Variants in CA12 observed in about 807,000 individuals in gnomAD.
The protein encoded by CA12 is carbonate dehydratase XII.
A neutral mutation model predicts 46.8 loss-of-function variants in CA12; 36 were observed. The ratio of observed to expected loss-of-function variants is 0.77; its 90% CI spans 0.59 to 1.02. The LOEUF (loss-of-function observed/expected upper bound fraction) is 1.02. Among genes scored for constraint, CA12 ranks in the 50% least tolerant of loss-of-function variants. The probability of loss-of-function intolerance (pLI) is 0.00; values close to 1 mark genes in which losing one functional copy is unlikely to be tolerated. For missense variants in CA12, 436 were observed against 451.4 expected (o/e 0.97, Z 0.31); for synonymous variants, 202 against 187.0 (o/e 1.08, Z -0.65).
At position 63,339,910 on chromosome 15, in the gene CA12, CTTAGTCAT is replaced by C; in HGVS notation, c.747+370_747+377del. ...AGCTTCTTGGGGGCAGGGACCCTCA[CTTAGTCAT>C]TGCTGCAATCCCATCTCTTAAATGA... On this transcript the variant is annotated intron_variant, in intron 7 of 10. Transcript: ENST00000178638. The surrounding 1 kb of genome is among the most constrained non-coding windows in gnomAD (Gnocchi z 4.3). 1 of 333,060 alleles carries C rather than the reference CTTAGTCAT, an allele frequency of 3.0e-6. No homozygotes were observed. Among genetic ancestry groups the C allele is most frequent in the Non-Finnish European group, 5.8e-6 (1 of 172,234 alleles). The allele number at this position is 333,060 out of a possible 1,614,324, so 20.6% of individuals were successfully genotyped here.
In CA12 at chr15:63,348,930, G is replaced by A. The variant is rs1480554712; in HGVS notation, c.107-2221C>T. 2.0e-5 allele frequency among the ~76,000 whole-genome samples: 3 copies of A among 152,164 alleles called. No homozygotes were observed. Among genetic ancestry groups the A allele is most frequent in the African/African-American group, 4.8e-5 (2 of 41,436 alleles). On this transcript the variant is annotated intron_variant, in intron 2 of 10. Coordinates refer to ENST00000178638, the MANE Select transcript of CA12 (RefSeq NM_001218.5). The surrounding 1 kb of genome is among the most constrained non-coding windows in gnomAD (Gnocchi z 4.6). The stretch of plus-strand genomic sequence containing the variant: ...TTCCTTTTTCTCTTGCTCTAAATAC[G>A]CTTTATTGGAAGTTAGGACCAAATA...
chr15:63,334,869 G>A (rs2038980589), intron 8 of CA12, among the ~76,000 whole-genome samples: 1 of 152,160 alleles, frequency 6.6e-6, no homozygotes, highest in African/African-American at 2.4e-5. Context: ...TGGGGAACAA[G>A]GTCTCTCTTG....
chr15:63,344,425 CTT>C (rs2039119644), intron 4 of CA12, among the ~76,000 whole-genome samples: 1 of 152,370 alleles, frequency 6.6e-6, no homozygotes, highest in South Asian at 2.1e-4. Context: ...GTCTCAGACA[CTT>C]TTTGGTTTAC....
chr15:63,368,873 G>A (rs1170387409), intron 2 of CA12, among the ~76,000 whole-genome samples: 1 of 152,234 alleles, frequency 6.6e-6, no homozygotes, highest in Non-Finnish European at 1.5e-5. Context: ...TCAGCCCCAA[G>A]TTTCTTCCTA....
chr15:63,359,097 G>A (rs1307317302), intron 2 of CA12, among the ~76,000 whole-genome samples: 1 of 151,914 alleles, frequency 6.6e-6, no homozygotes, highest in Non-Finnish European at 1.5e-5. Flanking sequence ...ACACTCCCCT[G>A]GGGTGAAGCT....
At chr15:63,335,248 A>G in intron 8 of CA12, among the ~76,000 whole-genome samples, 1 of 152,150 alleles carries the variant, frequency 6.6e-6, no homozygotes, top group Admixed American at 6.5e-5. Context: ...CAGTAGTGCT[A>G]AGGTTGAGAA....
intron 2 of CA12, among the ~76,000 whole-genome samples, chr15:63,366,133 T>G (rs1338485283): frequency 1.2e-5 from 1 of 81,438 alleles, no homozygotes; most frequent in African/African-American, 4.7e-5. Flanking sequence ...AGAGCGAGAC[T>G]ATCTCAAAAA....
chr15:63,365,711 A>G (rs963524345), intron 2 of CA12, among the ~76,000 whole-genome samples: 2 of 152,202 alleles, frequency 1.3e-5, no homozygotes, highest in African/African-American at 2.4e-5. Context: ...CCCTTGGTCC[A>G]GATCCTCTCC....
chr15:63,371,818 T>C (rs1326388612), intron 2 of CA12, among the ~76,000 whole-genome samples: 1 of 147,558 alleles, frequency 6.8e-6, no homozygotes, highest in African/African-American at 2.5e-5. Context: ...GGTTGCTCTG[T>C]TGTTTTGAAC....
In CA12 at chr15:63,341,187, A is replaced by AT. The variant is rs1303472706; in HGVS notation, c.526-405_526-404insA. Reference sequence around the variant, plus strand: ...CATACAGCCTCATTAGGAAAAAAAAACATGCAAGCCAATCAGAAGACATTC... The same window carrying AT: ...CATACAGCCTCATTAGGAAAAAAAAATCATGCAAGCCAATCAGAAGACATTC... On this transcript the variant is annotated intron_variant, in intron 5 of 10. Transcript: ENST00000178638. The surrounding 1 kb of genome is among the most constrained non-coding windows in gnomAD (Gnocchi z 5.2). Among the ~76,000 whole-genome samples the AT allele has an allele frequency of 3.3e-5, 5 of 152,174 alleles. No homozygotes were observed. Among genetic ancestry groups the AT allele is most frequent in the Non-Finnish European group, 5.9e-5 (4 of 68,032 alleles).
At chr15:63,358,576 C>A (rs147425071) in intron 2 of CA12, among the ~76,000 whole-genome samples, 1 of 152,318 alleles carries the variant, frequency 6.6e-6, no homozygotes, top group African/African-American at 2.4e-5. Context: ...GCCTTCCCAG[C>A]ACTCATCTTT....
In CA12 at chr15:63,338,866, T is replaced by C; in HGVS notation, c.827A>G (p.Gln276Arg). 6.2e-7 allele frequency: 1 copy of C among 1,614,180 alleles called. No individual in the cohort carries two copies. Among genetic ancestry groups the C allele is most frequent in the Non-Finnish European group, 8.5e-7 (1 of 1,180,020 alleles). Residue 276 changes from glutamine to arginine, a missense_variant, in exon 8 of 11, where the codon CAG becomes CGG. Transcript: ENST00000178638. ...SPREMINNFR[Q>R]VQKFDERLVY... ...CAGCCTCTCATCGAACTTCTGGACC[T>C]GCCGGAAGTTGTTGATCATTTCTCT...
intron 2 of CA12, among the ~76,000 whole-genome samples, chr15:63,362,048 G>A (rs1460559431): frequency 6.6e-6 from 1 of 152,294 alleles, no homozygotes; most frequent in East Asian, 1.9e-4. Context: ...AGGCCAGAGA[G>A]TAAGTTTTTG....
At chr15:63,343,628 A>C (rs928490358) in intron 4 of CA12, among the ~76,000 whole-genome samples, 1 of 152,120 alleles carries the variant, frequency 6.6e-6, no homozygotes, top group Non-Finnish European at 1.5e-5. Flanking sequence ...TACACTTCCA[A>C]GGTCCTTCCT....
intron 2 of CA12, among the ~76,000 whole-genome samples, chr15:63,354,474 C>G (rs2039270744): frequency 6.6e-6 from 1 of 152,128 alleles, no homozygotes; most frequent in South Asian, 2.1e-4. Flanking sequence ...TAAATCCCCC[C>G]AAATCTCCCC....
At position 63,374,655 on chromosome 15, in the gene CA12, T is replaced by G. The variant is rs1328374975; in HGVS notation, c.106+1003A>C. Among the ~76,000 whole-genome samples, 1 of 152,138 alleles carries G rather than the reference T, an allele frequency of 6.6e-6. No homozygotes were observed. The highest frequency in any genetic ancestry group is 1.5e-5 in the Non-Finnish European group (1 of 68,018). On this transcript the variant is annotated intron_variant, in intron 2 of 10. Coordinates refer to ENST00000178638, the MANE Select transcript of CA12 (RefSeq NM_001218.5). This position sits in a 1 kb window ranked among gnomAD's most constrained non-coding sequence, Gnocchi z 4.4. Reference sequence around the variant, plus strand: ...TAGCTGGTTGGTCAGTTCAGTGACTTTTCTATGCATCTTGGGCTGGTGAAC... The same window carrying G: ...TAGCTGGTTGGTCAGTTCAGTGACTGTTCTATGCATCTTGGGCTGGTGAAC...
intron 4 of CA12, 31 bp from the exon 5 acceptor site, chr15:63,342,128 G>A (rs759117739): frequency 7.2e-7 from 1 of 1,395,560 alleles, no homozygotes; most frequent in Non-Finnish European, 1.0e-6. Flanking sequence ...CCCATTAGGA[G>A]ATAAGCGACT....
rs1421331193 is a variant in CA12, at chr15:63,378,270, C to T, written c.86-2592G>A. 6.6e-6 allele frequency among the ~76,000 whole-genome samples: 1 copy of T among 152,166 alleles called. No homozygotes were observed. Among genetic ancestry groups the T allele is most frequent in the East Asian group, 1.9e-4 (1 of 5,198 alleles). On this transcript the variant is annotated intron_variant, in intron 1 of 10. Transcript: ENST00000178638. The surrounding 1 kb of genome is among the most constrained non-coding windows in gnomAD (Gnocchi z 4.8). The stretch of plus-strand genomic sequence containing the variant: ...AGGCGTGGTGGCGGGTGCCTGTAAT[C>T]CCAGCTGCTGGGGAGGCTGAGGCAG...
At chr15:63,380,221 C>T (rs1402722045) in intron 1 of CA12, among the ~76,000 whole-genome samples, 2 of 152,124 alleles carry the variant, frequency 1.3e-5, no homozygotes, top group African/African-American at 4.8e-5. Flanking sequence ...CAAACTTCCC[C>T]AGTCCCAACT....
Sources: allele counts gnomAD v4.1 joint callset (sites outside exome capture counted in the v4.1 genomes callset), GRCh38; gene constraint gnomAD v4.1.1; non-coding constraint Gnocchi (gnomAD v3.1); transcripts MANE v1.5; gene names NCBI Gene and HGNC (gene_info 2026-07-23, HGNC 2026-07-21).